The following RABGAP1L variants were observed in gnomAD, a reference collection of about 807,000 sequenced individuals.
The protein encoded by RABGAP1L is rab GTPase-activating protein 1-like.
A neutral mutation model predicts 137.7 loss-of-function variants in RABGAP1L; 63 were observed. That is an observed-to-expected ratio of 0.46 (90% CI 0.37 to 0.56). The LOEUF (loss-of-function observed/expected upper bound fraction) is 0.56, where lower values mean the gene tolerates loss of function less well. RABGAP1L is among the 20% of genes least tolerant of loss of function. RABGAP1L has a pLI of 0.00. For synonymous variants in RABGAP1L, 431 were observed against 433.7 expected (o/e 0.99, Z 0.08); for missense variants, 1,095 against 1,244.0 (o/e 0.88, Z 1.80).
intron 13 of RABGAP1L, among the ~76,000 whole-genome samples, chr1:174,586,699 G>T (rs1008787486): frequency 6.6e-6 from 1 of 152,084 alleles, no homozygotes; most frequent in Non-Finnish European, 1.5e-5. Context: ...CCGAGTTCAA[G>T]CAATTCTCCT....
chr1:174,804,229 C>G (rs1215590804), intron 18 of RABGAP1L, among the ~76,000 whole-genome samples: 1 of 149,460 alleles, frequency 6.7e-6, no homozygotes, highest in Non-Finnish European at 1.5e-5. Flanking sequence ...AAAATCTCCC[C>G]TTTTCCCTGC....
rs185308869 is a variant in RABGAP1L at position 174,761,265 on chromosome 1, A to G, written c.2211+8911A>G. 4.3e-3 allele frequency among the ~76,000 whole-genome samples: 661 copies of G among 152,374 alleles called. 3 individuals carry two copies. Among genetic ancestry groups the G allele is most frequent in the Non-Finnish European group, 8.0e-3 (542 of 68,032 alleles). ...TTAAAAGTAAACTTTAATGTCAAAA[A>G]TGCAAACTTGAGGAGGCCAGAAAGA... On this transcript the variant is annotated intron_variant, in intron 18 of 25. Transcript: ENST00000681986. This position sits in a 1 kb window ranked among gnomAD's most constrained non-coding sequence, Gnocchi z 4.0.
chr1:174,259,368 C>T (rs1673386918), intron 7 of RABGAP1L, among the ~76,000 whole-genome samples: 1 of 152,130 alleles, frequency 6.6e-6, no homozygotes, highest in South Asian at 2.1e-4. Context: ...GGTATAGGTA[C>T]TATTATCTTC....
intron 19 of RABGAP1L, among the ~76,000 whole-genome samples, chr1:174,887,310 T>C (rs1655330749): frequency 6.6e-6 from 1 of 152,196 alleles, no homozygotes; most frequent in Admixed American, 6.5e-5. Flanking sequence ...GTAAAATATA[T>C]AAGCACTGTG....
intron 11 of RABGAP1L, among the ~76,000 whole-genome samples, chr1:174,313,837 A>C (rs567139653): frequency 6.6e-6 from 1 of 152,292 alleles, no homozygotes; most frequent in East Asian, 1.9e-4. Flanking sequence ...CCATCCCTGC[A>C]TCCCAGGGAT....
intron 13 of RABGAP1L, among the ~76,000 whole-genome samples, chr1:174,414,847 T>C (rs555225233): frequency 1.3e-5 from 2 of 152,170 alleles, no homozygotes; most frequent in South Asian, 2.1e-4. Flanking sequence ...CCTCAAAATA[T>C]GACCTATCAT....
At chr1:174,159,820 G>C (rs543188037) in intron 1 of RABGAP1L, 163 bp downstream of exon 1, 1 of 152,476 alleles carries the variant, frequency 6.6e-6, no homozygotes, top group African/African-American at 2.4e-5. Context: ...AAGGAGGGTA[G>C]GGGGCGGGTT....
At chr1:174,473,737 A>G (rs1352438555) in intron 13 of RABGAP1L, among the ~76,000 whole-genome samples, 2 of 152,194 alleles carry the variant, frequency 1.3e-5, no homozygotes, top group Non-Finnish European at 2.9e-5. Flanking sequence ...CATATGTAAA[A>G]CATGTAAAAG....
chr1:174,565,674 A>G (rs974763754), intron 13 of RABGAP1L, among the ~76,000 whole-genome samples: 10 of 152,208 alleles, frequency 6.6e-5, no homozygotes, highest in South Asian at 2.1e-4. Context: ...TTTAAATACC[A>G]AACAAAGTTG....
chr1:174,327,980 CACACACATATATAT>C lies in RABGAP1L; in HGVS notation c.1465+22855_1465+22868del, dbSNP rs1481846188. Among the ~76,000 whole-genome samples the C allele has an allele frequency of 9.4e-3, 998 of 105,904 alleles. 20 individuals are homozygous for C. The highest frequency in any genetic ancestry group is 0.016 in the South Asian group (54 of 3,316). The allele number at this position is 105,904 out of a possible 152,430, so 69.5% of individuals were successfully genotyped here. A position where few individuals can be genotyped will look rare whatever the true frequency, so the allele number is the denominator to read the frequency against. ...AAATATATATATATATATATATATACACACACATATATATATATATATATATATATATATATATA... is the reference window on the plus strand; with the variant it reads ...AAATATATATATATATATATATATACATATATATATATATATATATATATA... On this transcript the variant is annotated intron_variant, in intron 11 of 25. Transcript: ENST00000681986.
At chr1:174,239,127 C>T (rs575537762) in intron 4 of RABGAP1L, among the ~76,000 whole-genome samples, 7 of 152,158 alleles carry the variant, frequency 4.6e-5, no homozygotes, top group East Asian at 3.9e-4. Context: ...TGCTTCGGCT[C>T]GCGCACCGTG....
In RABGAP1L at chr1:174,669,325, G is replaced by A. The variant is rs116936408; in HGVS notation, c.1825-14197G>A. Among the ~76,000 whole-genome samples, 1,163 of 152,222 alleles carry A rather than the reference G, an allele frequency of 7.6e-3. 56 individuals are homozygous for A. In the East Asian group the frequency reaches 0.14, roughly 18 times the overall value. On this transcript the variant is annotated intron_variant, in intron 14 of 25. Coordinates refer to ENST00000681986, the MANE Select transcript of RABGAP1L (RefSeq NM_001366446.1). ...TTACCTTCACCTGGTCTCTCCCTTG[G>A]CACGTGGGGATTTTGGGGATTGCAA...
At chr1:174,204,726 A>T (rs545116018) in intron 1 of RABGAP1L, among the ~76,000 whole-genome samples, 1 of 152,180 alleles carries the variant, frequency 6.6e-6, no homozygotes, top group South Asian at 2.1e-4. Context: ...AGGTGATTGG[A>T]TCCTGGGGGC....
chr1:174,386,502 T>A (rs1686791058), intron 12 of RABGAP1L, among the ~76,000 whole-genome samples: 1 of 151,856 alleles, frequency 6.6e-6, no homozygotes, highest in Non-Finnish European at 1.5e-5. Context: ...TTTGTGTGTG[T>A]TTGTGTTTTC....
intron 19 of RABGAP1L, among the ~76,000 whole-genome samples, chr1:174,886,237 C>T (rs1655096979): frequency 6.6e-6 from 1 of 152,168 alleles, no homozygotes; most frequent in African/African-American, 2.4e-5. Flanking sequence ...GTCTCGACCT[C>T]CCGATCTTAG....
intron 19 of RABGAP1L, among the ~76,000 whole-genome samples, chr1:174,943,842 G>C (rs1300277143): frequency 6.6e-6 from 1 of 151,724 alleles, no homozygotes; most frequent in Non-Finnish European, 1.5e-5. Context: ...CAAAAAAAAA[G>C]ACTTTCTCCC....
intron 17 of RABGAP1L, among the ~76,000 whole-genome samples, chr1:174,719,108 G>A (rs1056366851): frequency 2.0e-5 from 3 of 151,880 alleles, no homozygotes; most frequent in Non-Finnish European, 2.9e-5. Context: ...CAAAGTGCTG[G>A]GATTACAGGC....
At chr1:174,420,923 C>A (rs1358127647) in intron 13 of RABGAP1L, among the ~76,000 whole-genome samples, 1 of 152,122 alleles carries the variant, frequency 6.6e-6, no homozygotes, top group Admixed American at 6.5e-5. Flanking sequence ...GATCTGCCCT[C>A]CTTGGCCTCC....
chr1:174,859,774 A>G (rs949452538), intron 19 of RABGAP1L, among the ~76,000 whole-genome samples: 1 of 151,968 alleles, frequency 6.6e-6, no homozygotes, highest in African/African-American at 2.4e-5. Flanking sequence ...TAATCTGTAC[A>G]AAAAAACCCC....
Sources: gnomAD v4.1 joint callset for allele counts (sites outside exome capture counted in the v4.1 genomes callset) on GRCh38, gnomAD v4.1.1 for gene constraint, Gnocchi (gnomAD v3.1) non-coding constraint, MANE v1.5 for transcripts, NCBI Gene and HGNC (gene_info 2026-07-23, HGNC 2026-07-21) for gene names.